The following MACROD2 variants were observed in gnomAD, a reference collection of about 807,000 sequenced individuals.
MACROD2 encodes ADP-ribose glycohydrolase MACROD2.
A neutral mutation model predicts 70.4 loss-of-function variants in MACROD2; 36 were observed. The observed-to-expected ratio is 0.51, with a 90% CI of 0.39 to 0.68. MACROD2 has a LOEUF of 0.68. Ranked by LOEUF, MACROD2 falls within the 30% of genes least tolerant of loss-of-function variation. The pLI is 0.00. For synonymous variants in MACROD2, 172 were observed against 178.8 expected, an observed-to-expected ratio of 0.96 and a Z score of 0.30; for missense variants, 496 against 538.4, an observed-to-expected ratio of 0.92 and a Z score of 0.78.
At chr20:15,564,574 G>A (rs2048287172) in intron 8 of MACROD2, among the ~76,000 whole-genome samples, 1 of 152,168 alleles carries the variant, frequency 6.6e-6, no homozygotes, top group Admixed American at 6.6e-5. Flanking sequence ...GTCAACAAAT[G>A]TGGGAAATAG....
At chr20:14,297,288 C>A (rs1023048681) in intron 3 of MACROD2, among the ~76,000 whole-genome samples, 1 of 151,812 alleles carries the variant, frequency 6.6e-6, no homozygotes, top group African/African-American at 2.4e-5. Context: ...CTATGTCTCT[C>A]ACTTAAAATC....
intron 12 of MACROD2, among the ~76,000 whole-genome samples, chr20:15,942,422 C>T (rs2065763506): frequency 6.6e-6 from 1 of 152,150 alleles, no homozygotes; most frequent in African/African-American, 2.4e-5. Context: ...CAAGGTAAAG[C>T]TGGCCTGGGA....
chr20:15,272,062 T>G (rs2077350710), intron 6 of MACROD2, among the ~76,000 whole-genome samples: 1 of 152,188 alleles, frequency 6.6e-6, no homozygotes, highest in East Asian at 1.9e-4. Context: ...ACACAATTTT[T>G]TCAGTAGTGG....
intron 3 of MACROD2, among the ~76,000 whole-genome samples, chr20:14,245,957 A>G (rs1601395525): frequency 6.6e-6 from 1 of 152,306 alleles, no homozygotes; most frequent in East Asian, 1.9e-4. Context: ...GTAGTATTGC[A>G]AGTATTGTTT....
chr20:14,109,695 C>G (rs372287222), intron 3 of MACROD2, among the ~76,000 whole-genome samples: 28 of 151,812 alleles, frequency 1.8e-4, no homozygotes, highest in African/African-American at 6.3e-4. Flanking sequence ...AAAATTGAAC[C>G]ATGAAGAAAC....
intron 8 of MACROD2, among the ~76,000 whole-genome samples, chr20:15,766,700 C>A (rs959852305): frequency 1.3e-5 from 2 of 152,158 alleles, no homozygotes; most frequent in African/African-American, 2.4e-5. Flanking sequence ...ATTACTTAGA[C>A]GATCGATGGC....
At chr20:15,225,219 G>A (rs2076895525) in intron 5 of MACROD2, among the ~76,000 whole-genome samples, 1 of 152,074 alleles carries the variant, frequency 6.6e-6, no homozygotes, top group Admixed American at 6.5e-5. Flanking sequence ...TAAATTCCTT[G>A]AAATTATATC....
intron 3 of MACROD2, among the ~76,000 whole-genome samples, chr20:14,154,606 G>A (rs1235133356): frequency 7.5e-6 from 1 of 133,368 alleles, no homozygotes; most frequent in Non-Finnish European, 1.5e-5. Flanking sequence ...TAAAGACGGG[G>A]TTTCACCATG....
At chr20:14,739,590 A>T (rs2071709447) in intron 5 of MACROD2, among the ~76,000 whole-genome samples, 1 of 152,030 alleles carries the variant, frequency 6.6e-6, no homozygotes, top group African/African-American at 2.4e-5. Flanking sequence ...AACTATTAAT[A>T]GAAAAAAGTG....
rs1246734780 is a variant in MACROD2, at chr20:14,904,679, C to T, written c.418+219720C>T. Among the ~76,000 whole-genome samples, 4 of 152,234 alleles carry T rather than the reference C, an allele frequency of 2.6e-5. No individual in the cohort carries two copies. In the East Asian group the frequency reaches 7.7e-4, roughly 29 times the overall value. ...CCGCATAACCCTTAAGCAAATTACT[C>T]AACCTCATTAAGCCTCAGTTATTTC... On this transcript the variant is annotated intron_variant, in intron 5 of 17. Coordinates refer to ENST00000684519, the MANE Select transcript of MACROD2 (RefSeq NM_001351661.2).
chr20:15,781,089 G>A (rs540859244), intron 8 of MACROD2, among the ~76,000 whole-genome samples: 99 of 152,024 alleles, frequency 6.5e-4, no homozygotes, highest in African/African-American at 2.3e-3. Flanking sequence ...TTTTTGAGTG[G>A]TTCTAAACAC....
intron 4 of MACROD2, among the ~76,000 whole-genome samples, chr20:14,549,807 A>T (rs1057404717): frequency 2.0e-5 from 3 of 152,120 alleles, no homozygotes; most frequent in Non-Finnish European, 2.9e-5. Flanking sequence ...TTCAAATATC[A>T]CTGTGGTGAA....
intron 4 of MACROD2, among the ~76,000 whole-genome samples, chr20:14,621,205 G>A (rs958427814): frequency 3.9e-5 from 6 of 152,100 alleles, no homozygotes; most frequent in Non-Finnish European, 7.4e-5. Context: ...AGTGCAAAGC[G>A]TTGTATAATT....
At chr20:14,890,781 A>T (rs999965619) in intron 5 of MACROD2, among the ~76,000 whole-genome samples, 2 of 1,686 alleles carry the variant, frequency 1.2e-3, no homozygotes, top group Non-Finnish European at 1.7e-3. Flanking sequence ...AATAAAAATT[A>T]AAAAAAAAAG....
chr20:14,492,733 A>G (rs2084808441), intron 3 of MACROD2, among the ~76,000 whole-genome samples: 1 of 152,152 alleles, frequency 6.6e-6, no homozygotes, highest in Non-Finnish European at 1.5e-5. Context: ...AATAAAGCTC[A>G]GTATAGTGTA....
intron 4 of MACROD2, among the ~76,000 whole-genome samples, chr20:14,675,652 G>C (rs1224719814): frequency 6.6e-6 from 1 of 151,900 alleles, no homozygotes; most frequent in African/African-American, 2.4e-5. Context: ...TCAACAAATG[G>C]GCAAAATAAC....
intron 15 of MACROD2, among the ~76,000 whole-genome samples, chr20:16,022,044 TTTC>T (rs2067008379): frequency 7.9e-6 from 1 of 126,970 alleles, no homozygotes; most frequent in African/African-American, 2.8e-5. Flanking sequence ...AAAGTTTCAG[TTTC>T]TTTTTTTTTT....
At chr20:14,000,714 A>T (rs899802914) in intron 1 of MACROD2, among the ~76,000 whole-genome samples, 3 of 152,206 alleles carry the variant, frequency 2.0e-5, no homozygotes, top group Non-Finnish European at 4.4e-5. Context: ...TTAGGTGAAA[A>T]ACGAATGTAA....
intron 6 of MACROD2, among the ~76,000 whole-genome samples, chr20:15,338,842 A>G (rs2078077005): frequency 1.5e-5 from 2 of 137,372 alleles, no homozygotes. Flanking sequence ...TTGACTGGAA[A>G]CACAAGCATT....
Sources: allele counts gnomAD v4.1 joint callset (sites outside exome capture counted in the v4.1 genomes callset), GRCh38; gene constraint gnomAD v4.1.1; transcripts MANE v1.5; gene names NCBI Gene and HGNC (gene_info 2026-07-23, HGNC 2026-07-21).